KCNJ3: variants seen among roughly 807,000 people sequenced by gnomAD.
The protein encoded by KCNJ3 is potassium inwardly rectifying channel subfamily J member 3.
Under a neutral mutation model 39.2 loss-of-function variants are expected in KCNJ3, and 4 were observed. That is an observed-to-expected ratio of 0.10 (90% confidence interval 0.05 to 0.23). The LOEUF is 0.23. Among genes scored for constraint, KCNJ3 ranks in the 10% least tolerant of loss-of-function variants. The pLI, the probability that KCNJ3 is intolerant of heterozygous loss-of-function variation, is 1.00. For missense variants in KCNJ3, 276 were observed against 634.9 expected, an observed-to-expected ratio of 0.43 and a Z score of 6.08; for synonymous variants, 230 against 237.4, an observed-to-expected ratio of 0.97 and a Z score of 0.29.
At chr2:154,844,377 G>A (rs1687631051) in intron 2 of KCNJ3, among the ~76,000 whole-genome samples, 1 of 152,212 alleles carries the variant, frequency 6.6e-6, no homozygotes, top group Non-Finnish European at 1.5e-5. Context: ...ATTGGGAGAT[G>A]TCTCCCAGTT....
intron 2 of KCNJ3, among the ~76,000 whole-genome samples, chr2:154,846,309 A>G (rs1185832349): frequency 1.3e-5 from 2 of 152,196 alleles, no homozygotes; most frequent in Non-Finnish European, 1.5e-5. Flanking sequence ...CTGAGAAATT[A>G]AATGATCACT....
At chr2:154,815,446 A>G (rs1302553649) in intron 2 of KCNJ3, among the ~76,000 whole-genome samples, 2 of 152,184 alleles carry the variant, frequency 1.3e-5, no homozygotes, top group East Asian at 3.9e-4. Context: ...TGCATTAGAC[A>G]TTAATATTGA....
chr2:154,722,879 A>G (rs371828907), intron 2 of KCNJ3, among the ~76,000 whole-genome samples: 9 of 152,194 alleles, frequency 5.9e-5, no homozygotes, highest in African/African-American at 2.2e-4. Context: ...AAGACTTGAA[A>G]ACTCAAAGTA....
chr2:154,833,143 T>C (rs1558885785), intron 2 of KCNJ3, among the ~76,000 whole-genome samples: 1 of 152,212 alleles, frequency 6.6e-6, no homozygotes, highest in Admixed American at 6.5e-5. Context: ...ATGTCAATCA[T>C]TTTTATTTCA....
intron 2 of KCNJ3, among the ~76,000 whole-genome samples, chr2:154,774,937 C>T (rs536915159): frequency 6.8e-6 from 1 of 147,474 alleles, no homozygotes; most frequent in Non-Finnish European, 1.5e-5. Flanking sequence ...GTTTTAGAGA[C>T]AGGGTCTCAC....
Position 154,706,383 on chromosome 2 carries a change from T to TTTATTA in KCNJ3, c.703-3219_703-3218insTATTAT, listed in dbSNP as rs1685010176. On this transcript the variant is annotated intron_variant, in intron 1 of 2. Transcript: ENST00000295101. ...TCAAACTGGTTTTTATCTCAAAATA[T>TTTATTA]TCTGCTTATTATCAAATATTTCTGA... 2.6e-5 allele frequency among the ~76,000 whole-genome samples: 4 copies of TTTATTA among 152,122 alleles called. No individual in the cohort carries two copies. The South Asian group carries it at 8.3e-4, about 31-fold the overall frequency.
chr2:154,777,646 T>C (rs937139342), intron 2 of KCNJ3, among the ~76,000 whole-genome samples: 1 of 152,178 alleles, frequency 6.6e-6, no homozygotes, highest in Non-Finnish European at 1.5e-5. Flanking sequence ...CCACCCCCAC[T>C]GTGTGGTATA....
intron 2 of KCNJ3, among the ~76,000 whole-genome samples, chr2:154,794,222 T>G (rs1160941741): frequency 6.6e-6 from 1 of 152,028 alleles, no homozygotes; most frequent in South Asian, 2.1e-4. Context: ...AAAAGTGACA[T>G]GTATTTTCTT....
intron 2 of KCNJ3, among the ~76,000 whole-genome samples, chr2:154,805,705 TATTACA>T (rs1418337690): frequency 1.8e-4 from 27 of 152,292 alleles, no homozygotes; most frequent in Admixed American, 4.6e-4. Flanking sequence ...AGCATGGGCA[TATTACA>T]ATTAAATCTC....
rs1263568146 is a variant in KCNJ3 at position 154,854,991 on chromosome 2, T to C, written c.1184T>C (p.Ile395Thr). 7.4e-6 allele frequency: 12 copies of C among 1,613,974 alleles called. No homozygotes were observed. The East Asian group carries it at 2.5e-4, about 33-fold the overall frequency. The change falls in exon 3 of 3, where the codon ATT (isoleucine) becomes ACT (threonine). Residue 395 changes from isoleucine (I) to threonine (T), a missense_variant. Coordinates refer to ENST00000295101, the MANE Select transcript of KCNJ3 (RefSeq NM_002239.4). The part of the protein sequence containing the change: ...SVECLDGLDD[I>T]TTKLPSKLQK... ...GAATGCTTAGATGGACTAGATGATA[T>C]TACTACAAAACTACCATCTAAGCTG...
chr2:154,796,333 C>T lies in KCNJ3; in HGVS notation c.920-58394C>T, dbSNP rs374276530. Reference sequence around the variant, plus strand: ...TTTCTGTGGACATAAAATACCCCTTCATACAAAATTAAAAATGCAGTTTTC... The same window carrying T: ...TTTCTGTGGACATAAAATACCCCTTTATACAAAATTAAAAATGCAGTTTTC... On this transcript the variant is annotated intron_variant, in intron 2 of 2. Coordinates refer to ENST00000295101, the MANE Select transcript of KCNJ3 (RefSeq NM_002239.4). 1.5e-4 allele frequency among the ~76,000 whole-genome samples: 23 copies of T among 152,254 alleles called. No homozygotes were observed. The East Asian group carries it at 2.3e-3, about 15-fold the overall frequency.
intron 2 of KCNJ3, among the ~76,000 whole-genome samples, chr2:154,785,381 C>T (rs1230692688): frequency 6.6e-6 from 1 of 152,164 alleles, no homozygotes; most frequent in African/African-American, 2.4e-5. Flanking sequence ...GTGATCTTTT[C>T]TCTGTGCACA....
At chr2:154,772,938 A>G (rs1357676104) in intron 2 of KCNJ3, among the ~76,000 whole-genome samples, 1 of 152,144 alleles carries the variant, frequency 6.6e-6, no homozygotes, top group East Asian at 1.9e-4. Flanking sequence ...GTTTTAAAGT[A>G]GTATTTCCAA....
chr2:154,841,194 T>C (rs922132206), intron 2 of KCNJ3, among the ~76,000 whole-genome samples: 4 of 152,216 alleles, frequency 2.6e-5, no homozygotes, highest in Non-Finnish European at 4.4e-5. Flanking sequence ...GAGATAATCA[T>C]GTGGTTTTTG....
intron 2 of KCNJ3, among the ~76,000 whole-genome samples, chr2:154,742,201 G>T (rs1162605027): frequency 6.6e-6 from 1 of 151,712 alleles, no homozygotes; most frequent in Non-Finnish European, 1.5e-5. Context: ...TCATGTTGTA[G>T]CATGTGTCAG....
At chr2:154,849,903 T>G (rs1239012066) in intron 2 of KCNJ3, among the ~76,000 whole-genome samples, 1 of 151,828 alleles carries the variant, frequency 6.6e-6, no homozygotes, top group East Asian at 1.9e-4. Flanking sequence ...CTATGTTGCT[T>G]CTACCATTTT....
chr2:154,756,787 T>G (rs1685944706), intron 2 of KCNJ3, among the ~76,000 whole-genome samples: 1 of 151,958 alleles, frequency 6.6e-6, no homozygotes, highest in South Asian at 2.1e-4. Flanking sequence ...AAATAAAAAT[T>G]TTGTGTCATA....
rs866265122 is a variant in KCNJ3 at position 154,775,026 on chromosome 2, C to T, written c.919+65207C>T. Among the ~76,000 whole-genome samples, 17 of 152,268 alleles carry T rather than the reference C, an allele frequency of 1.1e-4. No homozygotes were observed. In the Middle Eastern group the frequency reaches 0.014, roughly 122 times the overall value. The stretch of plus-strand genomic sequence containing the variant: ...CTACCTCCTTGGCTCAAGCTATCCT[C>T]CTGTTTTAGCGTCTCGAATAGTTGG... On this transcript the variant is annotated intron_variant, in intron 2 of 2. Transcript: ENST00000295101.
At chr2:154,770,543 G>A (rs1449342112) in intron 2 of KCNJ3, among the ~76,000 whole-genome samples, 1 of 151,872 alleles carries the variant, frequency 6.6e-6, no homozygotes, top group Admixed American at 6.6e-5. Context: ...ACTGTTATTA[G>A]ATGATTTTGT....
Sources: gnomAD v4.1 joint callset for allele counts (sites outside exome capture counted in the v4.1 genomes callset) on GRCh38, gnomAD v4.1.1 for gene constraint, MANE v1.5 for transcripts, NCBI Gene and HGNC (gene_info 2026-07-23, HGNC 2026-07-21) for gene names.